The following TCF7L2 variants were observed in gnomAD, a reference collection of about 807,000 sequenced individuals.
TCF7L2 encodes the protein transcription factor 7 like 2.
TCF7L2 carries 23 observed loss-of-function variants against 77.9 expected under a neutral mutation model. That is an observed-to-expected ratio of 0.30 (90% CI 0.21 to 0.42). TCF7L2 has a LOEUF of 0.42. Ranked by LOEUF, TCF7L2 falls within the 10% of genes least tolerant of loss-of-function variation. The pLI is 1.00. For missense variants in TCF7L2, 654 were observed against 793.1 expected (o/e 0.82, Z 2.11); for synonymous variants, 413 against 340.2 (o/e 1.21, Z -2.36).
chr10:113,030,000 A>G (rs562082592), intron 4 of TCF7L2, among the ~76,000 whole-genome samples: 1 of 152,264 alleles, frequency 6.6e-6, no homozygotes, highest in Non-Finnish European at 1.5e-5. Flanking sequence ...TATTTACAAG[A>G]TTGTACAAAC....
At chr10:112,986,446 A>G (rs1054751917) in intron 4 of TCF7L2, among the ~76,000 whole-genome samples, 3 of 152,180 alleles carry the variant, frequency 2.0e-5, no homozygotes, top group African/African-American at 4.8e-5. Context: ...CTCATGCTTT[A>G]TCTTATAAAG....
At chr10:112,995,579 A>G (rs1397009518) in intron 4 of TCF7L2, among the ~76,000 whole-genome samples, 2 of 152,178 alleles carry the variant, frequency 1.3e-5, no homozygotes, top group Admixed American at 6.5e-5. Flanking sequence ...CACATCAGGC[A>G]GCTCAGAACA....
chr10:113,131,727 G>A (rs2066632690), intron 5 of TCF7L2, among the ~76,000 whole-genome samples: 1 of 152,178 alleles, frequency 6.6e-6, no homozygotes, highest in South Asian at 2.1e-4. Context: ...TGTATTCTTA[G>A]GGAAACCTCC....
intron 5 of TCF7L2, among the ~76,000 whole-genome samples, chr10:113,055,291 T>C (rs2055192472): frequency 6.6e-6 from 1 of 152,224 alleles, no homozygotes; most frequent in Admixed American, 6.5e-5. Flanking sequence ...CTTGATCCTG[T>C]TGGACTTAAA....
chr10:113,080,215 C>T (rs549752390), intron 5 of TCF7L2, among the ~76,000 whole-genome samples: 8 of 151,724 alleles, frequency 5.3e-5, no homozygotes, highest in Non-Finnish European at 1.2e-4. Context: ...TTTTGGGTGG[C>T]GCAAGAGATA....
chr10:112,999,400 T>A (rs1564765659), intron 4 of TCF7L2, among the ~76,000 whole-genome samples: 3 of 152,214 alleles, frequency 2.0e-5, no homozygotes, highest in African/African-American at 7.2e-5. Context: ...AATGTCTTTG[T>A]GGGGAGGTTT....
chr10:113,162,580 T>C (rs1298294721), intron 13 of TCF7L2, among the ~76,000 whole-genome samples: 1 of 152,176 alleles, frequency 6.6e-6, no homozygotes, highest in Non-Finnish European at 1.5e-5. Flanking sequence ...AAATGCATCT[T>C]GGAGGGGCTG....
intron 5 of TCF7L2, among the ~76,000 whole-genome samples, chr10:113,081,558 G>A (rs907200569): frequency 2.0e-5 from 3 of 152,284 alleles, no homozygotes; most frequent in African/African-American, 7.2e-5. Flanking sequence ...GATGAGCATG[G>A]TTTTTCATGC....
chr10:113,076,950 C>A (rs181036107), intron 5 of TCF7L2, among the ~76,000 whole-genome samples: 12 of 152,328 alleles, frequency 7.9e-5, no homozygotes, highest in African/African-American at 2.9e-4. Flanking sequence ...TTAAGAATTA[C>A]ATTTCAGTAA....
intron 5 of TCF7L2, among the ~76,000 whole-genome samples, chr10:113,073,683 C>G (rs2058360033): frequency 6.6e-6 from 1 of 151,114 alleles, no homozygotes; most frequent in Non-Finnish European, 1.5e-5. Context: ...CTGTGAGACC[C>G]CGTCTTTAAG....
At chr10:113,069,347 G>T (rs1437208081) in intron 5 of TCF7L2, among the ~76,000 whole-genome samples, 1 of 151,798 alleles carries the variant, frequency 6.6e-6, no homozygotes, top group East Asian at 1.9e-4. Context: ...TCCTGCCTCA[G>T]CCTCCTGAGT....
Position 113,158,179 on chromosome 10 carries a change from G to C in TCF7L2, c.1318+110G>C, listed in dbSNP as rs905328178. 1.2e-4 allele frequency: 137 copies of C among 1,164,246 alleles called. 1 individual carries two copies. The highest frequency in any genetic ancestry group is 1.6e-4 in the Non-Finnish European group (128 of 808,864). The allele number at this position is 1,164,246 out of a possible 1,614,324, so 72.1% of individuals were successfully genotyped here. Reference sequence around the variant, plus strand: ...GAGAAATTCAAGGCCAGGACATTGTGGGGGAACCCTTCTTAGCTAGCCTTT... The same window carrying C: ...GAGAAATTCAAGGCCAGGACATTGTCGGGGAACCCTTCTTAGCTAGCCTTT... On this transcript the variant is annotated intron_variant, in intron 12 of 13. Coordinates refer to ENST00000627217, the MANE Select transcript of TCF7L2 (RefSeq NM_001146274.2).
chr10:113,156,959 G>A (rs947693101), intron 11 of TCF7L2, among the ~76,000 whole-genome samples: 6 of 152,326 alleles, frequency 3.9e-5, no homozygotes, highest in Admixed American at 2.0e-4. Context: ...GTCCATCTGC[G>A]TAGCACACCT....
intron 4 of TCF7L2, among the ~76,000 whole-genome samples, chr10:112,965,627 ATATGTGT>A (rs2036571636): frequency 1.3e-4 from 9 of 68,300 alleles, no homozygotes; most frequent in African/African-American, 4.2e-4. Flanking sequence ...GTGTGTGTGT[ATATGTGT>A]GTGTGTGTGT....
chr10:113,023,268 C>T (rs1330774919), intron 4 of TCF7L2, among the ~76,000 whole-genome samples: 1 of 152,158 alleles, frequency 6.6e-6, no homozygotes, highest in Non-Finnish European at 1.5e-5. Context: ...GTTGGGATGA[C>T]TGTGTATTCA....
chr10:113,151,375 A>G lies in TCF7L2; in HGVS notation c.1001+252A>G, dbSNP rs1448211219. ...GTACTTGGATACACTGGGATTTGCA[A>G]CCACTTCCCTGCCCCCTAACCGCAT... On this transcript the variant is annotated intron_variant, in intron 9 of 13. Coordinates refer to ENST00000627217, the MANE Select transcript of TCF7L2 (RefSeq NM_001146274.2). This position sits in a 1 kb window ranked among gnomAD's most constrained non-coding sequence, Gnocchi z 5.2. Among the ~76,000 whole-genome samples the G allele has an allele frequency of 6.6e-6, 1 of 152,048 alleles. No individual in the cohort carries two copies. Among genetic ancestry groups the G allele is most frequent in the Non-Finnish European group, 1.5e-5 (1 of 68,020 alleles).
intron 4 of TCF7L2, among the ~76,000 whole-genome samples, chr10:112,974,695 G>A (rs1015784594): frequency 1.1e-4 from 16 of 151,950 alleles, no homozygotes; most frequent in Admixed American, 8.5e-4. Context: ...CACCCACCTC[G>A]GCCTCCCAAA....
intron 4 of TCF7L2, among the ~76,000 whole-genome samples, chr10:112,996,515 C>G (rs1433773418): frequency 6.6e-6 from 1 of 152,196 alleles, no homozygotes; most frequent in Non-Finnish European, 1.5e-5. Flanking sequence ...CCCCCCTCAC[C>G]TTGGCCTTCA....
At chr10:113,107,481 T>A (rs930669327) in intron 5 of TCF7L2, among the ~76,000 whole-genome samples, 3 of 151,496 alleles carry the variant, frequency 2.0e-5, no homozygotes, top group African/African-American at 7.3e-5. Flanking sequence ...TGGTGGCTCA[T>A]GCCTATAATC....
Sources: gnomAD v4.1 joint callset for allele counts (sites outside exome capture counted in the v4.1 genomes callset) on GRCh38, gnomAD v4.1.1 for gene constraint, Gnocchi (gnomAD v3.1) non-coding constraint, MANE v1.5 for transcripts, NCBI Gene and HGNC (gene_info 2026-07-23, HGNC 2026-07-21) for gene names.